The following PRKAR2A variants were observed in gnomAD, a reference collection of about 807,000 sequenced individuals.
PRKAR2A encodes cAMP-dependent protein kinase type II-alpha regulatory subunit.
A neutral mutation model predicts 51.9 loss-of-function variants in PRKAR2A; 29 were observed. That is an observed-to-expected ratio of 0.56 (90% CI 0.42 to 0.76). PRKAR2A has a LOEUF of 0.76. PRKAR2A is among the 30% of genes least tolerant of loss of function. PRKAR2A has a pLI of 0.00. For synonymous variants in PRKAR2A, 178 were observed against 186.2 expected, an observed-to-expected ratio of 0.96 and a Z score of 0.36; for missense variants, 445 against 512.1, an observed-to-expected ratio of 0.87 and a Z score of 1.26.
intron 1 of PRKAR2A, among the ~76,000 whole-genome samples, chr3:48,823,781 G>A (rs1261647779): frequency 2.3e-5 from 3 of 130,528 alleles, no homozygotes; most frequent in Non-Finnish European, 3.2e-5. Context: ...GAAATACCCC[G>A]TCTCCAAAAA....
At chr3:48,808,493 T>A (rs989001646) in intron 1 of PRKAR2A, among the ~76,000 whole-genome samples, 12 of 152,210 alleles carry the variant, frequency 7.9e-5, no homozygotes, top group Non-Finnish European at 1.3e-4. Context: ...GACCTCATGA[T>A]CCACCCACCT....
In PRKAR2A at chr3:48,824,140, T is replaced by G. The variant is rs1239929995; in HGVS notation, c.263-16456A>C. Among the ~76,000 whole-genome samples the G allele has an allele frequency of 2.0e-5, 3 of 151,830 alleles. No individual in the cohort carries two copies. The South Asian group carries it at 6.2e-4, about 32-fold the overall frequency. On this transcript the variant is annotated intron_variant, in intron 1 of 10. Transcript: ENST00000265563. ...CCTGTAATCACAGCTACTCGGGAGG[T>G]TGAGGCAGGAGAATCGCTTGAACCT...
intron 8 of PRKAR2A, among the ~76,000 whole-genome samples, chr3:48,760,452 G>C (rs369245962): frequency 1.3e-5 from 2 of 152,010 alleles, no homozygotes; most frequent in Admixed American, 6.6e-5. Flanking sequence ...GAGGTGGGAG[G>C]ATCACTTGAG....
At chr3:48,833,952 G>C (rs1323462598) in intron 1 of PRKAR2A, among the ~76,000 whole-genome samples, 1 of 149,920 alleles carries the variant, frequency 6.7e-6, no homozygotes, top group African/African-American at 2.5e-5. Flanking sequence ...CAGCAGAATC[G>C]CTTGAACCCG....
intron 2 of PRKAR2A, among the ~76,000 whole-genome samples, chr3:48,797,120 C>T (rs1268961780): frequency 1.3e-5 from 2 of 151,964 alleles, no homozygotes; most frequent in African/African-American, 2.4e-5. Context: ...TCTACAACTA[C>T]GGGACAGGCT....
At chr3:48,787,301 T>A (rs1013171325) in intron 4 of PRKAR2A, among the ~76,000 whole-genome samples, 3 of 152,122 alleles carry the variant, frequency 2.0e-5, no homozygotes, top group African/African-American at 7.2e-5. Context: ...TTCTTCTGCC[T>A]CAGCCTCTCA....
At chr3:48,773,706 C>T (rs575689344) in intron 5 of PRKAR2A, among the ~76,000 whole-genome samples, 84 of 151,444 alleles carry the variant, frequency 5.5e-4, no homozygotes, top group Non-Finnish European at 1.0e-3. Context: ...AATCTATATG[C>T]CCCTTCCTTT....
chr3:48,790,317 G>A (rs1338754501), intron 4 of PRKAR2A, among the ~76,000 whole-genome samples: 1 of 152,050 alleles, frequency 6.6e-6, no homozygotes, highest in Non-Finnish European at 1.5e-5. Flanking sequence ...CTGAAACCCT[G>A]GAAAGCAAAA....
chr3:48,756,022 C>T (rs1217477938), intron 9 of PRKAR2A, among the ~76,000 whole-genome samples: 10 of 151,800 alleles, frequency 6.6e-5, no homozygotes, highest in South Asian at 2.1e-4. Context: ...TCTTGTGATC[C>T]GCCCGCCTTG....
chr3:48,808,812 T>C (rs1418336210), intron 1 of PRKAR2A, among the ~76,000 whole-genome samples: 7 of 115,118 alleles, frequency 6.1e-5, no homozygotes, highest in Admixed American at 2.7e-4. Flanking sequence ...CCACCGCGCC[T>C]GGCCTGTATT....
intron 8 of PRKAR2A, among the ~76,000 whole-genome samples, chr3:48,763,284 A>G (rs1332373275): frequency 1.3e-5 from 2 of 152,134 alleles, no homozygotes; most frequent in Admixed American, 1.3e-4. Flanking sequence ...CCAGTGAGAG[A>G]CATTGACAAA....
intron 2 of PRKAR2A, among the ~76,000 whole-genome samples, chr3:48,799,442 T>C (rs141167093): frequency 6.6e-6 from 1 of 152,318 alleles, no homozygotes; most frequent in African/African-American, 2.4e-5. Flanking sequence ...ACATTGGGGT[T>C]AGGACTTCAA....
chr3:48,840,042 C>T (rs1419299266), intron 1 of PRKAR2A, among the ~76,000 whole-genome samples: 1 of 152,168 alleles, frequency 6.6e-6, no homozygotes, highest in Admixed American at 6.6e-5. Context: ...CCCCCAAGCC[C>T]TCGGTTAGCT....
chr3:48,758,255 C>G (rs2081804650), intron 8 of PRKAR2A, among the ~76,000 whole-genome samples: 1 of 141,474 alleles, frequency 7.1e-6, no homozygotes, highest in Admixed American at 7.2e-5. Context: ...CAGACTCCAT[C>G]TCAAAAAAAA....
At chr3:48,794,797 T>G (rs2082463129) in intron 2 of PRKAR2A, among the ~76,000 whole-genome samples, 2 of 152,060 alleles carry the variant, frequency 1.3e-5, no homozygotes, top group South Asian at 4.1e-4. Flanking sequence ...AGAAAGGACT[T>G]CCATGAGAAA....
At chr3:48,780,234 A>G (rs1328215139) in intron 5 of PRKAR2A, among the ~76,000 whole-genome samples, 1 of 152,128 alleles carries the variant, frequency 6.6e-6, no homozygotes, top group Non-Finnish European at 1.5e-5. Context: ...AGCATAAAAG[A>G]TGAAGACAAA....
chr3:48,777,439 C>T (rs756122537), intron 5 of PRKAR2A, among the ~76,000 whole-genome samples: 3 of 152,024 alleles, frequency 2.0e-5, no homozygotes, highest in Non-Finnish European at 4.4e-5. Context: ...GGAGTCTCGC[C>T]CTGTTGCCCA....
At position 48,751,467 on chromosome 3, in the gene PRKAR2A, A is replaced by C. The variant is rs548808291; in HGVS notation, c.*118T>G. 1.4e-6 allele frequency: 2 copies of C among 1,433,734 alleles called. No homozygotes were observed. Among genetic ancestry groups the C allele is most frequent in the South Asian group, 2.4e-5 (2 of 84,470 alleles). 88.8% of individuals were successfully genotyped at this position (1,433,734 alleles called of 1,614,324 possible). On this transcript the variant is annotated 3_prime_UTR_variant, in exon 11 of 11. Coordinates refer to ENST00000265563, the MANE Select transcript of PRKAR2A (RefSeq NM_004157.4). ...TTTCTAAATGCCCATAACCACAGCA[A>C]TGGCAGCAGTGGCGGCAACGGCAGG... is the stretch of plus-strand genomic sequence containing the variant.
At position 48,806,489 on chromosome 3, in the gene PRKAR2A, A is replaced by T. The variant is rs540572705; in HGVS notation, c.298+1160T>A. Among the ~76,000 whole-genome samples the T allele has an allele frequency of 2.0e-3, 310 of 151,758 alleles. 2 individuals are homozygous for T. The highest frequency in any genetic ancestry group is 3.7e-3 in the Admixed American group (57 of 15,242). ...CAGGAACAATCATTGTTTTTTTTTT[A>T]AAAAAGATGATGTGCATATTCAATA... On this transcript the variant is annotated intron_variant, in intron 2 of 10. Transcript: ENST00000265563.
Sources: gnomAD v4.1 joint callset for allele counts (sites outside exome capture counted in the v4.1 genomes callset) on GRCh38, gnomAD v4.1.1 for gene constraint, MANE v1.5 for transcripts, NCBI Gene and HGNC (gene_info 2026-07-23, HGNC 2026-07-21) for gene names.